Variants in TBC1D5 observed in about 807,000 individuals in gnomAD.
The protein encoded by TBC1D5 is TBC1 domain family member 5.
Under a neutral mutation model 100.3 loss-of-function variants are expected in TBC1D5, and 75 were observed. The observed-to-expected ratio is 0.75, with a 90% confidence interval of 0.62 to 0.91. The LOEUF is 0.91. Ranked by LOEUF, TBC1D5 falls within the 40% of genes least tolerant of loss-of-function variation. TBC1D5 has a pLI of 0.00. For missense variants in TBC1D5, 910 were observed against 942.4 expected (o/e 0.97, Z 0.45); for synonymous variants, 323 against 325.6 (o/e 0.99, Z 0.09).
At chr3:17,517,015 C>A (rs1415744962) in intron 2 of TBC1D5, among the ~76,000 whole-genome samples, 1 of 152,176 alleles carries the variant, frequency 6.6e-6, no homozygotes, top group Non-Finnish European at 1.5e-5. Flanking sequence ...CAAATTCAAC[C>A]AGCACAGAAA....
chr3:17,424,589 G>T (rs184569146), intron 4 of TBC1D5, among the ~76,000 whole-genome samples: 1 of 152,152 alleles, frequency 6.6e-6, no homozygotes, highest in African/African-American at 2.4e-5. Context: ...CCATTTTAAC[G>T]CATCATCTGC....
intron 17 of TBC1D5, among the ~76,000 whole-genome samples, chr3:17,219,479 GT>G (rs71049188): frequency 0.38 from 56,272 of 146,398 alleles, 11,197 homozygotes; most frequent in Middle Eastern, 0.49. Flanking sequence ...CTTTCCTGTG[GT>G]TTTTTTTTTT....
At chr3:17,392,400 A>C (rs1038086264) in intron 8 of TBC1D5, among the ~76,000 whole-genome samples, 1 of 151,900 alleles carries the variant, frequency 6.6e-6, no homozygotes, top group Non-Finnish European at 1.5e-5. Flanking sequence ...AAGTTCCGGG[A>C]AACGTGTAGA....
At chr3:17,638,225 TAC>T (rs1350385425) in intron 1 of TBC1D5, among the ~76,000 whole-genome samples, 6 of 152,192 alleles carry the variant, frequency 3.9e-5, no homozygotes, top group Non-Finnish European at 7.4e-5. Context: ...TTATAGTATA[TAC>T]AGAGTTGTGT....
chr3:17,346,301 A>T (rs2089866590), intron 13 of TBC1D5, among the ~76,000 whole-genome samples: 1 of 152,126 alleles, frequency 6.6e-6, no homozygotes, highest in African/African-American at 2.4e-5. Flanking sequence ...TTGCTAACCT[A>T]ATAAGCAAAT....
In TBC1D5 at chr3:17,245,285, T is replaced by C. The variant is rs190356488; in HGVS notation, c.1332-6866A>G. Among the ~76,000 whole-genome samples, 34 of 152,352 alleles carry C rather than the reference T, an allele frequency of 2.2e-4. No homozygotes were observed. The East Asian group carries it at 3.9e-3, about 17-fold the overall frequency. ...ACTTTGAAGTTCAGTGTTTCAAATT[T>C]ACTTCAATGAAAGACTTCTATATCT... On this transcript the variant is annotated intron_variant, in intron 16 of 21. Transcript: ENST00000253692.
Position 17,278,861 on chromosome 3 carries a change from C to T in TBC1D5, c.1245+13034G>A, listed in dbSNP as rs114743374. On this transcript the variant is annotated intron_variant, in intron 15 of 21. Coordinates refer to ENST00000253692, the Ensembl canonical transcript of TBC1D5. ...GTGTTTAAAACAATTTCTAACTTGACTTATCTCTTAATCTGGAAGATTATT... is the reference window on the plus strand; with the variant it reads ...GTGTTTAAAACAATTTCTAACTTGATTTATCTCTTAATCTGGAAGATTATT... Among the ~76,000 whole-genome samples the T allele has an allele frequency of 4.3e-3, 659 of 152,288 alleles. 4 individuals are homozygous for T. The highest frequency in any genetic ancestry group is 0.014 in the African/African-American group (595 of 41,560).
chr3:17,326,818 C>T (rs935606533), intron 13 of TBC1D5, among the ~76,000 whole-genome samples: 4 of 152,166 alleles, frequency 2.6e-5, no homozygotes, highest in South Asian at 2.1e-4. Context: ...AAATGTCCAA[C>T]GCCAAACTCT....
intron 3 of TBC1D5, among the ~76,000 whole-genome samples, chr3:17,450,497 C>G (rs578205787): frequency 1.2e-4 from 19 of 152,198 alleles, no homozygotes; most frequent in African/African-American, 4.6e-4. Context: ...TAAAAGGTCA[C>G]AGGAACTGCT....
chr3:17,392,472 C>G (rs1575665706), intron 8 of TBC1D5, among the ~76,000 whole-genome samples: 1 of 152,144 alleles, frequency 6.6e-6, no homozygotes, highest in East Asian at 1.9e-4. Flanking sequence ...CACTTCAACC[C>G]ATCATCTACA....
At chr3:17,702,955 A>C (rs908171330) in intron 1 of TBC1D5, among the ~76,000 whole-genome samples, 6 of 152,122 alleles carry the variant, frequency 3.9e-5, no homozygotes, top group African/African-American at 1.2e-4. Context: ...TCCAAACTAG[A>C]CCATAGCTAT....
chr3:17,366,819 C>T (rs2092163296), intron 13 of TBC1D5, among the ~76,000 whole-genome samples: 1 of 152,022 alleles, frequency 6.6e-6, no homozygotes, highest in South Asian at 2.1e-4. Context: ...TATACTATGA[C>T]ATATTTTAAA....
chr3:17,726,546 T>C (rs4908965), intron 1 of TBC1D5, among the ~76,000 whole-genome samples: 76,068 of 152,058 alleles, frequency 0.5, 20,564 homozygotes, highest in East Asian at 0.94. Context: ...CTTTGCTCAA[T>C]TTTTAATGGG....
chr3:17,277,521 T>G (rs2080150531), intron 15 of TBC1D5, among the ~76,000 whole-genome samples: 2 of 152,192 alleles, frequency 1.3e-5, no homozygotes, highest in Non-Finnish European at 2.9e-5. Flanking sequence ...GCAAACTAAT[T>G]AACAGTATAT....
At chr3:17,176,017 T>A (rs138888468) in intron 19 of TBC1D5, among the ~76,000 whole-genome samples, 6 of 152,290 alleles carry the variant, frequency 3.9e-5, no homozygotes, top group African/African-American at 1.4e-4. Flanking sequence ...ATTGGATCAT[T>A]AGCTAAAGAG....
chr3:17,304,926 T>G lies in TBC1D5; in HGVS notation c.1138+3066A>C, dbSNP rs544132322. 2.0e-5 allele frequency among the ~76,000 whole-genome samples: 3 copies of G among 152,298 alleles called. No homozygotes were observed. The East Asian group carries it at 5.8e-4, about 29-fold the overall frequency. ...CACTCTATATCTGCTATCTCCATAT[T>G]CTTTGTTTTTATTTAGTTATCTTTT... is the stretch of plus-strand genomic sequence containing the variant. On this transcript the variant is annotated intron_variant, in intron 14 of 21. Coordinates refer to ENST00000253692, the Ensembl canonical transcript of TBC1D5.
At chr3:17,574,157 T>C (rs985271492) in intron 2 of TBC1D5, among the ~76,000 whole-genome samples, 2 of 152,004 alleles carry the variant, frequency 1.3e-5, no homozygotes, top group Admixed American at 6.6e-5. Flanking sequence ...CATCCTGAAA[T>C]ACCTCACATG....
chr3:17,251,530 C>T (rs948211527), intron 16 of TBC1D5, among the ~76,000 whole-genome samples: 1 of 145,664 alleles, frequency 6.9e-6, no homozygotes. Flanking sequence ...TGGCAATGGG[C>T]TTTTATTTGT....
chr3:17,402,878 A>G (rs557534560), intron 8 of TBC1D5, among the ~76,000 whole-genome samples: 28 of 152,262 alleles, frequency 1.8e-4, no homozygotes, highest in Non-Finnish European at 3.5e-4. Flanking sequence ...CAACAAGACT[A>G]TACAATATAA....
Sources: allele counts gnomAD v4.1 joint callset (sites outside exome capture counted in the v4.1 genomes callset), GRCh38; gene constraint gnomAD v4.1.1; transcripts MANE v1.5; gene names NCBI Gene and HGNC (gene_info 2026-07-23, HGNC 2026-07-21).